The following RANBP9 variants were observed in gnomAD, a reference collection of about 807,000 sequenced individuals.
The protein encoded by RANBP9 is RAN binding protein 9.
A neutral mutation model predicts 84.3 loss-of-function variants in RANBP9; 15 were observed. The ratio of observed to expected loss-of-function variants is 0.18; its 90% CI spans 0.12 to 0.27. The LOEUF is 0.27. RANBP9 is among the 10% of genes least tolerant of loss of function. The pLI, the probability that RANBP9 is intolerant of heterozygous loss-of-function variation, is 1.00. For synonymous variants in RANBP9, 392 were observed against 349.6 expected (o/e 1.12, Z -1.35); for missense variants, 809 against 912.8 (o/e 0.89, Z 1.46).
At chr6:13,682,538 C>T (rs989601097) in intron 2 of RANBP9, among the ~76,000 whole-genome samples, 7 of 152,012 alleles carry the variant, frequency 4.6e-5, no homozygotes, top group Middle Eastern at 3.4e-3. Context: ...ATGCAACCTC[C>T]GCCTCCTGGG....
intron 1 of RANBP9, among the ~76,000 whole-genome samples, 153 bp downstream of exon 1, chr6:13,710,782 C>T (rs1478440216): frequency 2.0e-5 from 3 of 152,226 alleles, no homozygotes; most frequent in African/African-American, 7.2e-5. Context: ...CCGCGACCCC[C>T]GCGCCCACCC....
intron 1 of RANBP9, among the ~76,000 whole-genome samples, chr6:13,707,401 T>C (rs1184305478): frequency 6.6e-6 from 1 of 152,230 alleles, no homozygotes; most frequent in East Asian, 1.9e-4. Flanking sequence ...ATTAGTAAAA[T>C]CAAGGTGTCT....
At chr6:13,644,813 G>A (rs1261500929) in intron 5 of RANBP9, 84 bp from the exon 6 acceptor site, 23 of 1,105,566 alleles carry the variant, frequency 2.1e-5, no homozygotes, top group Non-Finnish European at 2.8e-5. Flanking sequence ...TAAAAGAATA[G>A]AACTATAAAT....
intron 4 of RANBP9, among the ~76,000 whole-genome samples, chr6:13,654,797 T>A (rs140311433): frequency 7.2e-5 from 11 of 152,336 alleles, no homozygotes; most frequent in African/African-American, 1.7e-4. Flanking sequence ...GCTTGTAGAC[T>A]CCTGTTCTAG....
At chr6:13,649,197 A>G (rs764923332) in intron 5 of RANBP9, among the ~76,000 whole-genome samples, 1 of 152,150 alleles carries the variant, frequency 6.6e-6, no homozygotes, top group Non-Finnish European at 1.5e-5. Context: ...GTCCCAGAAG[A>G]TTTACAGTAT....
chr6:13,706,175 T>C (rs1486443244), intron 1 of RANBP9, among the ~76,000 whole-genome samples: 1 of 151,156 alleles, frequency 6.6e-6, no homozygotes, highest in African/African-American at 2.4e-5. Context: ...AAACCCTATC[T>C]CTACTAAAAA....
At chr6:13,702,503 A>C (rs1256295848) in intron 1 of RANBP9, among the ~76,000 whole-genome samples, 1 of 152,184 alleles carries the variant, frequency 6.6e-6, no homozygotes, top group African/African-American at 2.4e-5. Context: ...GACTAATATA[A>C]TATAGTATTT....
intron 2 of RANBP9, among the ~76,000 whole-genome samples, chr6:13,676,994 TA>T (rs1232680706): frequency 6.6e-6 from 1 of 151,918 alleles, no homozygotes; most frequent in East Asian, 1.9e-4. Context: ...TTCAACATCA[TA>T]GGGGAAGTCC....
chr6:13,705,095 T>A (rs988850511), intron 1 of RANBP9, among the ~76,000 whole-genome samples: 1 of 152,108 alleles, frequency 6.6e-6, no homozygotes, highest in African/African-American at 2.4e-5. Context: ...ATATAAATTG[T>A]CTAGTCTAGC....
In RANBP9 at chr6:13,680,745, G is replaced by C. The variant is rs538337924; in HGVS notation, c.683+16040C>G. On this transcript the variant is annotated intron_variant, in intron 2 of 13. Transcript: ENST00000011619. The stretch of plus-strand genomic sequence containing the variant: ...CCCTCCAACCTGGGCAACTAAGTGA[G>C]AGTCTGTCTCGGAAAAAAAAAAAAA... Among the ~76,000 whole-genome samples the C allele has an allele frequency of 1.1e-4, 17 of 150,158 alleles. No individual in the cohort carries two copies. The South Asian group carries it at 3.4e-3, about 30-fold the overall frequency.
At chr6:13,660,171 T>G (rs890813627) in intron 2 of RANBP9, among the ~76,000 whole-genome samples, 2 of 152,116 alleles carry the variant, frequency 1.3e-5, no homozygotes, top group Non-Finnish European at 2.9e-5. Flanking sequence ...AAGCTGTATA[T>G]AAATGGATAT....
intron 7 of RANBP9, among the ~76,000 whole-genome samples, chr6:13,641,928 T>C (rs1398547456): frequency 1.3e-5 from 2 of 152,170 alleles, no homozygotes; most frequent in African/African-American, 4.8e-5. Flanking sequence ...CTCTATACTC[T>C]TGTCAAGTCA....
chr6:13,668,505 A>T lies in RANBP9; in HGVS notation c.684-9673T>A, dbSNP rs1475634601. Among the ~76,000 whole-genome samples the T allele has an allele frequency of 2.0e-5, 3 of 152,190 alleles. No individual in the cohort carries two copies. In the East Asian group the frequency reaches 5.8e-4, roughly 29 times the overall value. ...GGAAATCAAATCCAGCAACACATAA[A>T]AAAGATTATAAATCATGACCAAATG... On this transcript the variant is annotated intron_variant, in intron 2 of 13. Transcript: ENST00000011619.
intron 10 of RANBP9, among the ~76,000 whole-genome samples, chr6:13,636,448 G>A (rs895167185): frequency 6.6e-6 from 1 of 152,192 alleles, no homozygotes; most frequent in Non-Finnish European, 1.5e-5. Context: ...TGTGTCATCA[G>A]ACCCTTCCGT....
At chr6:13,663,062 T>G (rs534692976) in intron 2 of RANBP9, among the ~76,000 whole-genome samples, 1 of 152,042 alleles carries the variant, frequency 6.6e-6, no homozygotes, top group Non-Finnish European at 1.5e-5. Flanking sequence ...AACGTATAGA[T>G]TCAAGAAGCT....
At chr6:13,665,042 A>C (rs888807298) in intron 2 of RANBP9, among the ~76,000 whole-genome samples, 1 of 152,220 alleles carries the variant, frequency 6.6e-6, no homozygotes, top group African/African-American at 2.4e-5. Flanking sequence ...AATAGTAAAA[A>C]GATAACTGAC....
At chr6:13,695,463 G>A (rs1320001571) in intron 2 of RANBP9, among the ~76,000 whole-genome samples, 1 of 129,820 alleles carries the variant, frequency 7.7e-6, no homozygotes, top group East Asian at 2.2e-4. Flanking sequence ...TTAAATGCCT[G>A]TGGGACATTC....
chr6:13,632,838 T>TAAAAAAAAAAAAA (rs372574264), intron 11 of RANBP9: 2 of 121,566 alleles, frequency 1.6e-5, no homozygotes, highest in Non-Finnish European at 3.3e-5. Context: ...AAGCAACATT[T>TAAAAAAAAAAAAA]AAAAAAAAAA....
chr6:13,691,551 C>G (rs1766321748), intron 2 of RANBP9, among the ~76,000 whole-genome samples: 1 of 152,182 alleles, frequency 6.6e-6, no homozygotes, highest in South Asian at 2.1e-4. Context: ...CAATTCACAT[C>G]CAACTCTTGC....
Sources: allele counts gnomAD v4.1 joint callset (sites outside exome capture counted in the v4.1 genomes callset), GRCh38; gene constraint gnomAD v4.1.1; transcripts MANE v1.5; gene names NCBI Gene and HGNC (gene_info 2026-07-23, HGNC 2026-07-21).